HCN4: variants seen among roughly 807,000 people sequenced by gnomAD.
HCN4 encodes the protein potassium/sodium hyperpolarization-activated cyclic nucleotide-gated channel 4.
In HCN4, 29 loss-of-function variants were observed where a neutral mutation model predicts 76.9. The ratio of observed to expected loss-of-function variants is 0.38; its 90% confidence interval spans 0.28 to 0.51. The LOEUF (loss-of-function observed/expected upper bound fraction) is 0.51. Among genes scored for constraint, HCN4 ranks in the 20% least tolerant of loss-of-function variants. HCN4 has a pLI of 0.90. For synonymous variants in HCN4, 772 were observed against 762.5 expected (o/e 1.01, Z -0.21); for missense variants, 1,416 against 1,715.2 (o/e 0.83, Z 3.08).
intron 2 of HCN4, among the ~76,000 whole-genome samples, chr15:73,342,142 G>C (rs2043008708): frequency 6.6e-6 from 1 of 152,240 alleles, no homozygotes; most frequent in Non-Finnish European, 1.5e-5. Flanking sequence ...TAACTTGGGT[G>C]GGTGGCAGAC....
intron 4 of HCN4, 57 bp downstream of exon 4, chr15:73,329,516 G>A: frequency 6.5e-7 from 1 of 1,546,876 alleles, no homozygotes; most frequent in Non-Finnish European, 8.9e-7. Context: ...ACTGGCTGGT[G>A]GCCTGTGCTC....
chr15:73,326,387 ACTT>A (rs2151215964), intron 4 of HCN4, among the ~76,000 whole-genome samples: 1 of 152,326 alleles, frequency 6.6e-6, no homozygotes, highest in South Asian at 2.1e-4. Flanking sequence ...CATTTCCTAA[ACTT>A]CTTCCAGCCA....
chr15:73,320,190 C>CT lies in HCN4; in HGVS notation c.*2290dup, dbSNP rs1396833642. ...CCTGCTGCCTCTCAGAGCTGCCTTC[C>CT]TTAAGGGGAAGGGGTGTGTGCAGAA... On this transcript the variant is annotated 3_prime_UTR_variant, in exon 8 of 8. Transcript: ENST00000261917. The CT allele has an allele frequency of 2.6e-5, 4 of 152,626 alleles. No individual in the cohort carries two copies. The East Asian group carries it at 5.8e-4, about 22-fold the overall frequency. The allele number at this position is 152,626 out of a possible 1,614,324, so 9.5% of individuals were successfully genotyped here. A position where few individuals can be genotyped will look rare whatever the true frequency, so the allele number is the denominator to read the frequency against.
chr15:73,367,934 T>C lies in HCN4; in HGVS notation c.337A>G (p.Thr113Ala). The change falls in exon 1 of 8, where the codon ACG (threonine) becomes GCG (alanine). Residue 113 changes from threonine to alanine, a missense_variant. Thr to Ala is a moderately conservative substitution (Grantham distance 58). Transcript: ENST00000261917. The surrounding 1 kb of genome is among the most constrained non-coding windows in gnomAD (Gnocchi z 7.5). ...TGTCCGTGACTGCTGCCGCTCCCCG[T>C]GCCGCCGCTGCCGCCGCCCCGGCTG... ...LGSRGGGSGG[T>A]GSGSSHGHLH... 1.5e-6 allele frequency: 2 copies of C among 1,354,870 alleles called. No homozygotes were observed. Among genetic ancestry groups the C allele is most frequent in the Non-Finnish European group, 1.9e-6 (2 of 1,057,700 alleles). 83.9% of individuals were successfully genotyped at this position (1,354,870 alleles called of 1,614,324 possible). A position where few individuals can be genotyped will look rare whatever the true frequency, so the allele number is the denominator to read the frequency against.
At chr15:73,338,921 C>T (rs2042981834) in intron 2 of HCN4, among the ~76,000 whole-genome samples, 1 of 152,236 alleles carries the variant, frequency 6.6e-6, no homozygotes, top group African/African-American at 2.4e-5. Context: ...GCCCCAGGAC[C>T]TCTCCTTGTG....
At position 73,343,640 on chromosome 15, in the gene HCN4, G is replaced by C. The variant is rs764050400; in HGVS notation, c.954C>G (p.Ile318Met). The change falls in exon 2 of 8, where the codon ATC becomes ATG. Residue 318 changes from isoleucine (I) to methionine (M), a missense_variant. Around this residue, in one of 6 missense-constraint regions of HCN4, gnomAD observed 52 missense variants for 129.1 expected, o/e 0.40. Coordinates refer to ENST00000261917, the MANE Select transcript of HCN4 (RefSeq NM_005477.3). The surrounding 1 kb of genome is among the most constrained non-coding windows in gnomAD (Gnocchi z 5.7). ...TGATCTCTGTGTTGTCCTCCACCAC[G>C]ATCCCTGTGCGGAAGTTGAGGACCA... The part of the protein sequence containing the change: ...IDLVLNFRTG[I>M]VVEDNTEIIL... The C allele has an allele frequency of 1.2e-6, 2 of 1,614,022 alleles. No individual in the cohort carries two copies. Among genetic ancestry groups the C allele is most frequent in the Non-Finnish European group, 1.7e-6 (2 of 1,180,032 alleles).
chr15:73,337,536 C>T (rs971382790), intron 2 of HCN4, among the ~76,000 whole-genome samples: 1 of 152,218 alleles, frequency 6.6e-6, no homozygotes, highest in Non-Finnish European at 1.5e-5. Context: ...TGTTTTCCTG[C>T]AATGACCTCC....
chr15:73,340,619 T>C (rs973899075), intron 2 of HCN4, among the ~76,000 whole-genome samples: 5 of 152,156 alleles, frequency 3.3e-5, no homozygotes, highest in African/African-American at 1.2e-4. Flanking sequence ...TCAGACCACC[T>C]GCCACATCTC....
chr15:73,329,440 CT>C, intron 4 of HCN4, 132 bp downstream of exon 4: 2 of 780,048 alleles, frequency 2.6e-6, no homozygotes. Context: ...TCCTCCTGCT[CT>C]TCCCTCACAC....
At chr15:73,353,066 C>T (rs895799677) in intron 1 of HCN4, among the ~76,000 whole-genome samples, 6 of 151,638 alleles carry the variant, frequency 4.0e-5, no homozygotes, top group African/African-American at 1.5e-4. Flanking sequence ...GGACGGGAGA[C>T]TGTTGCCAGA....
At chr15:73,359,799 T>C (rs1402674630) in intron 1 of HCN4, among the ~76,000 whole-genome samples, 2 of 152,194 alleles carry the variant, frequency 1.3e-5, no homozygotes, top group Non-Finnish European at 2.9e-5. Flanking sequence ...CTTCTTGACT[T>C]TTCTGAAGTC....
In HCN4 at chr15:73,367,722, C is replaced by A. The variant is rs767095274; in HGVS notation, c.549G>T (p.Ser183=). The A allele has an allele frequency of 3.8e-5, 61 of 1,594,506 alleles. No individual in the cohort carries two copies. The highest frequency in any genetic ancestry group is 4.9e-5 in the Non-Finnish European group (58 of 1,177,944). The part of the protein sequence containing the change: ...QPASASCEQP[S]VDTAIKVEGG... ...CCTCCACTTTGATAGCGGTGTCCAC[C>A]GAGGGCTGCTCGCAGGAGGCGGAGG... The change falls in exon 1 of 8, where the codon TCG becomes TCT. Residue 183 remains serine, a synonymous_variant. Coordinates refer to ENST00000261917, the MANE Select transcript of HCN4 (RefSeq NM_005477.3). This position sits in a 1 kb window ranked among gnomAD's most constrained non-coding sequence, Gnocchi z 7.5.
intron 1 of HCN4, among the ~76,000 whole-genome samples, chr15:73,362,414 C>T (rs1462380175): frequency 6.6e-6 from 1 of 152,206 alleles, no homozygotes; most frequent in East Asian, 1.9e-4. Flanking sequence ...GCCACATTAG[C>T]AATCTTTGGG....
In HCN4 at chr15:73,327,630, C is replaced by T. The variant is rs111808355; in HGVS notation, c.1590+1943G>A. On this transcript the variant is annotated intron_variant, in intron 4 of 7. Coordinates refer to ENST00000261917, the MANE Select transcript of HCN4 (RefSeq NM_005477.3). ...TCCAGAATGATCCCTCATCTGGGCC[C>T]GGACTAAGCCCTGACCTTTGTAGCT... Among the ~76,000 whole-genome samples, 10 of 152,070 alleles carry T rather than the reference C, an allele frequency of 6.6e-5. No individual in the cohort carries two copies. In the South Asian group the frequency reaches 1.7e-3, roughly 25 times the overall value.
rs2042913863 is a variant in HCN4, at chr15:73,328,507, T to C, written c.1590+1066A>G. Among the ~76,000 whole-genome samples, 1 of 152,000 alleles carries C rather than the reference T, an allele frequency of 6.6e-6. No homozygotes were observed. Among genetic ancestry groups the C allele is most frequent in the Non-Finnish European group, 1.5e-5 (1 of 68,010 alleles). ...GTGTTTTAGATGCCGCTCCAACTGCTGTGTGAGGTGTGCAGTGGAAGGTGC... is the reference window on the plus strand; with the variant it reads ...GTGTTTTAGATGCCGCTCCAACTGCCGTGTGAGGTGTGCAGTGGAAGGTGC... On this transcript the variant is annotated intron_variant, in intron 4 of 7. Transcript: ENST00000261917. The surrounding 1 kb of genome is among the most constrained non-coding windows in gnomAD (Gnocchi z 4.0).
rs756120632 is a variant in HCN4 at position 73,353,004 on chromosome 15, A to AGATGGATGGATG, written c.786-9208_786-9197dup. Among the ~76,000 whole-genome samples the AGATGGATGGATG allele has an allele frequency of 3.6e-4, 55 of 150,926 alleles. No individual in the cohort carries two copies. The Middle Eastern group carries it at 0.01, about 28-fold the overall frequency. Reference sequence around the variant, plus strand: ...CTTATTGTTAAATGGATGGATGGACAGATGGATGGATGGATGGATGGATGG... The same window carrying AGATGGATGGATG: ...CTTATTGTTAAATGGATGGATGGACAGATGGATGGATGGATGGATGGATGGATGGATGGATGG... On this transcript the variant is annotated intron_variant, in intron 1 of 7. Coordinates refer to ENST00000261917, the MANE Select transcript of HCN4 (RefSeq NM_005477.3).
At chr15:73,352,492 GAGAAGGC>G (rs1318235297) in intron 1 of HCN4, among the ~76,000 whole-genome samples, 1 of 152,214 alleles carries the variant, frequency 6.6e-6, no homozygotes, top group Non-Finnish European at 1.5e-5. Context: ...GAAAGTGGGG[GAGAAGGC>G]AGGTGAACAG....
At chr15:73,334,987 CCAGA>C (rs369468627) in intron 2 of HCN4, among the ~76,000 whole-genome samples, 1 of 152,080 alleles carries the variant, frequency 6.6e-6, no homozygotes, top group African/African-American at 2.4e-5. Flanking sequence ...TAAAAAGAGA[CCAGA>C]CAGAGACGAT....
rs2042915290 is a variant in HCN4, at chr15:73,328,829, T to C, written c.1590+744A>G. ...GGGATGCAGAGAAGGAGCTGTGGCTTTGAGGTAGGCATTGATGACAGAGAG... is the reference window on the plus strand; with the variant it reads ...GGGATGCAGAGAAGGAGCTGTGGCTCTGAGGTAGGCATTGATGACAGAGAG... On this transcript the variant is annotated intron_variant, in intron 4 of 7. Coordinates refer to ENST00000261917, the MANE Select transcript of HCN4 (RefSeq NM_005477.3). This position sits in a 1 kb window ranked among gnomAD's most constrained non-coding sequence, Gnocchi z 4.0. 6.6e-6 allele frequency among the ~76,000 whole-genome samples: 1 copy of C among 151,994 alleles called. No individual in the cohort carries two copies. Among genetic ancestry groups the C allele is most frequent in the Non-Finnish European group, 1.5e-5 (1 of 67,996 alleles).
Sources: gnomAD v4.1 joint callset for allele counts (sites outside exome capture counted in the v4.1 genomes callset) on GRCh38, gnomAD v4.1.1 for gene constraint, gnomAD v4.1.1 regional missense constraint, Gnocchi (gnomAD v3.1) non-coding constraint, MANE v1.5 for transcripts, NCBI Gene and HGNC (gene_info 2026-07-23, HGNC 2026-07-21) for gene names.